Variants in PPP2R2C observed in about 807,000 individuals in gnomAD.
PPP2R2C encodes the protein protein phosphatase 2 regulatory subunit Bgamma, also known as protein phosphatase 2, regulatory subunit B, gamma.
In PPP2R2C, 10 loss-of-function variants were observed where a neutral mutation model predicts 45.3. That is an observed-to-expected ratio of 0.22 (90% CI 0.14 to 0.37). PPP2R2C has a LOEUF of 0.37. Ranked by LOEUF, PPP2R2C falls within the 10% of genes least tolerant of loss-of-function variation. The probability of loss-of-function intolerance (pLI) is 1.00; values close to 1 mark genes in which losing one functional copy is unlikely to be tolerated. For missense variants in PPP2R2C, 308 were observed against 619.7 expected (o/e 0.50, Z 5.34); for synonymous variants, 257 against 245.4 (o/e 1.05, Z -0.44).
intron 1 of PPP2R2C, among the ~76,000 whole-genome samples, chr4:6,408,305 A>T (rs1024823020): frequency 1.3e-5 from 2 of 152,208 alleles, no homozygotes; most frequent in Admixed American, 6.5e-5. Context: ...TACTAACAGT[A>T]GAACTGGTTT....
At chr4:6,525,756 T>G (rs753194594) in intron 2 of PPP2R2C, among the ~76,000 whole-genome samples, 83 of 151,876 alleles carry the variant, frequency 5.5e-4, no homozygotes, top group Non-Finnish European at 1.0e-3. Flanking sequence ...CAGACTGGAG[T>G]ACAGTGGCAC....
At position 6,460,014 on chromosome 4, in the gene PPP2R2C, A is replaced by T. The variant is rs527669072; in HGVS notation, c.70+12146T>A. 5.3e-5 allele frequency among the ~76,000 whole-genome samples: 8 copies of T among 152,324 alleles called. No individual in the cohort carries two copies. The South Asian group carries it at 1.7e-3, about 32-fold the overall frequency. ...AATATGCACGCAAAAAGGTGCAAAG[A>T]TGCCCTCACAACACTGCTCATGATC... On this transcript the variant is annotated intron_variant, in intron 1 of 8. Transcript: ENST00000382599.
intron 2 of PPP2R2C, chr4:6,535,243 T>C: frequency 6.5e-7 from 1 of 1,534,940 alleles, no homozygotes; most frequent in Admixed American, 2.0e-5. Flanking sequence ...CCGGCGCTGC[T>C]GCCCGGCTGT....
intron 1 of PPP2R2C, among the ~76,000 whole-genome samples, chr4:6,397,002 A>T (rs1224409843): frequency 6.6e-6 from 1 of 152,176 alleles, no homozygotes; most frequent in Non-Finnish European, 1.5e-5. Context: ...ATTCCTAAAA[A>T]TGTAACTATT....
At chr4:6,389,904 C>T (rs1214281579) in intron 1 of PPP2R2C, among the ~76,000 whole-genome samples, 1 of 152,118 alleles carries the variant, frequency 6.6e-6, no homozygotes, top group Non-Finnish European at 1.5e-5. Context: ...TGAACTTGCC[C>T]CCCAGGCCTG....
intron 4 of PPP2R2C, among the ~76,000 whole-genome samples, chr4:6,373,901 A>AGTGTGTGTG (rs368052588): frequency 6.8e-6 from 1 of 146,450 alleles, no homozygotes; most frequent in African/African-American, 2.6e-5. Flanking sequence ...ATGTGCATGC[A>AGTGTGTGTG]TGTGTGTGTG....
At chr4:6,391,879 T>C (rs1716669908) in intron 1 of PPP2R2C, among the ~76,000 whole-genome samples, 1 of 152,236 alleles carries the variant, frequency 6.6e-6, no homozygotes, top group African/African-American at 2.4e-5. Flanking sequence ...TGACCAGCTG[T>C]GTGACCTTGG....
At chr4:6,382,907 T>A (rs1715954769) in intron 1 of PPP2R2C, 1 of 1,085,272 alleles carries the variant, frequency 9.2e-7, no homozygotes, top group Non-Finnish European at 1.1e-6. Context: ...CTCCAGCGGC[T>A]CCCATTGTGT....
intron 1 of PPP2R2C, among the ~76,000 whole-genome samples, chr4:6,387,048 T>C (rs937045178): frequency 1.3e-5 from 2 of 151,986 alleles, no homozygotes; most frequent in African/African-American, 4.8e-5. Flanking sequence ...TTACCCAGTC[T>C]GAAGAATAGA....
chr4:6,422,518 TAAAC>T (rs1719045293), intron 1 of PPP2R2C, among the ~76,000 whole-genome samples: 1 of 152,228 alleles, frequency 6.6e-6, no homozygotes, highest in South Asian at 2.1e-4. Flanking sequence ...CTGTGCCACT[TAAAC>T]AAAAGAAATC....
At chr4:6,396,804 T>C (rs1453464086) in intron 1 of PPP2R2C, among the ~76,000 whole-genome samples, 2 of 152,228 alleles carry the variant, frequency 1.3e-5, no homozygotes, top group African/African-American at 4.8e-5. Flanking sequence ...AAGGCCCTGA[T>C]TTGCGGCATT....
chr4:6,452,608 C>T (rs10029948), intron 1 of PPP2R2C, among the ~76,000 whole-genome samples: 44,917 of 152,188 alleles, frequency 0.3, 6,941 homozygotes, highest in African/African-American at 0.37. Context: ...GGCTTTCAGC[C>T]GCTGCCCCAA....
intron 1 of PPP2R2C, among the ~76,000 whole-genome samples, chr4:6,462,654 G>A (rs1721386979): frequency 6.6e-6 from 1 of 152,140 alleles, no homozygotes; most frequent in African/African-American, 2.4e-5. Context: ...CAGACAACTG[G>A]GGACGTTCAT....
chr4:6,384,659 A>C (rs1716094812), intron 1 of PPP2R2C: 2 of 985,356 alleles, frequency 2.0e-6, no homozygotes, highest in Non-Finnish European at 2.4e-6. Flanking sequence ...AAGTAAATGC[A>C]GTCCACAAAT....
At position 6,364,092 on chromosome 4, in the gene PPP2R2C, G is replaced by A. The variant is rs187461751; in HGVS notation, c.625+8431C>T. On this transcript the variant is annotated intron_variant, in intron 5 of 8. Coordinates refer to ENST00000382599, the MANE Select transcript of PPP2R2C (RefSeq NM_020416.4). This position sits in a 1 kb window ranked among gnomAD's most constrained non-coding sequence, Gnocchi z 5.3. ...AGCTGCCAGTCCAGGAGGGAGAGGC[G>A]GGAAATGAACAGGGAACGAGGTAGA... Among the ~76,000 whole-genome samples, 38 of 152,274 alleles carry A rather than the reference G, an allele frequency of 2.5e-4. No homozygotes were observed. Among genetic ancestry groups the A allele is most frequent in the African/African-American group, 7.2e-4 (30 of 41,556 alleles).
At chr4:6,342,149 T>C (rs564152215) in intron 6 of PPP2R2C, among the ~76,000 whole-genome samples, 130 of 151,488 alleles carry the variant, frequency 8.6e-4, no homozygotes, top group African/African-American at 3.1e-3. Flanking sequence ...TACATACATA[T>C]ATATATAAGA....
chr4:6,359,576 A>C (rs1478495784), intron 5 of PPP2R2C, among the ~76,000 whole-genome samples: 2 of 152,020 alleles, frequency 1.3e-5, no homozygotes, highest in African/African-American at 2.4e-5. Flanking sequence ...TTTATTATTA[A>C]GATTTTTATT....
At chr4:6,534,365 C>T (rs1478313979) in intron 2 of PPP2R2C, among the ~76,000 whole-genome samples, 1 of 149,762 alleles carries the variant, frequency 6.7e-6, no homozygotes, top group Non-Finnish European at 1.5e-5. Context: ...TCAATACGTA[C>T]ACTAACACAC....
intron 1 of PPP2R2C, among the ~76,000 whole-genome samples, chr4:6,536,025 C>G (rs1560608925): frequency 6.6e-6 from 1 of 152,222 alleles, no homozygotes. Flanking sequence ...GCACCACCCC[C>G]ACCCCTGACA....
Sources: gnomAD v4.1 joint callset for allele counts (sites outside exome capture counted in the v4.1 genomes callset) on GRCh38, gnomAD v4.1.1 for gene constraint, Gnocchi (gnomAD v3.1) non-coding constraint, MANE v1.5 for transcripts, NCBI Gene and HGNC (gene_info 2026-07-23, HGNC 2026-07-21) for gene names.